CAB39L: variants seen among roughly 807,000 people sequenced by gnomAD.
CAB39L encodes calcium binding protein 39 like, also known as calcium-binding protein 39-like.
In CAB39L, 23 loss-of-function variants were observed where a neutral mutation model predicts 39.1. That is an observed-to-expected ratio of 0.59 (90% CI 0.42 to 0.83). The LOEUF is 0.83. Ranked by LOEUF, CAB39L falls within the 40% of genes least tolerant of loss-of-function variation. CAB39L has a pLI of 0.00. For synonymous variants in CAB39L, 126 were observed against 137.2 expected (o/e 0.92, Z 0.57); for missense variants, 366 against 391.9 (o/e 0.93, Z 0.56).
rs1953953055 is a variant in CAB39L, at chr13:49,310,492, T to C, written c.*322A>G. The C allele has an allele frequency of 4.6e-6, 1 of 216,852 alleles. No individual in the cohort carries two copies. Among genetic ancestry groups the C allele is most frequent in the Non-Finnish European group, 9.2e-6 (1 of 108,298 alleles). 13.4% of individuals were successfully genotyped at this position (216,852 alleles called of 1,614,324 possible). ...GAGAACTCAGTCCTCCTTGAAGACT[T>C]GGTGATGCCTGTCAATTGAGCTCCC... On this transcript the variant is annotated 3_prime_UTR_variant, in exon 11 of 11. Coordinates refer to ENST00000409308, the MANE Select transcript of CAB39L (RefSeq NM_001079670.3).
intron 6 of CAB39L, among the ~76,000 whole-genome samples, chr13:49,355,838 G>T (rs867180262): frequency 6.6e-6 from 1 of 151,780 alleles, no homozygotes; most frequent in Non-Finnish European, 1.5e-5. Context: ...ATTAGACACC[G>T]ATGAAAGTTC....
chr13:49,339,053 C>T (rs1398284848), intron 9 of CAB39L, among the ~76,000 whole-genome samples: 1 of 150,286 alleles, frequency 6.7e-6, no homozygotes, highest in Non-Finnish European at 1.5e-5. Context: ...CTCAAAAATA[C>T]AGATATTAAG....
intron 1 of CAB39L, among the ~76,000 whole-genome samples, chr13:49,438,136 T>G (rs1957446000): frequency 6.6e-6 from 1 of 152,136 alleles, no homozygotes; most frequent in Non-Finnish European, 1.5e-5. Flanking sequence ...CGTGTCCAGC[T>G]GGTATTATTT....
At chr13:49,356,655 TA>T (rs1437410379) in intron 6 of CAB39L, among the ~76,000 whole-genome samples, 1 of 152,360 alleles carries the variant, frequency 6.6e-6, no homozygotes, top group Admixed American at 6.5e-5. Context: ...GTTTGATGTG[TA>T]AATGTACCAA....
chr13:49,351,145 C>G, intron 6 of CAB39L: 1 of 338,428 alleles, frequency 3.0e-6, no homozygotes, highest in East Asian at 4.5e-5. Flanking sequence ...AACATGGTGA[C>G]AGCTGGGGGT....
chr13:49,421,963 T>C (rs556346840), intron 3 of CAB39L, among the ~76,000 whole-genome samples: 40 of 152,182 alleles, frequency 2.6e-4, no homozygotes, highest in African/African-American at 8.9e-4. Flanking sequence ...AAAAATCACT[T>C]ATTTAATCAC....
chr13:49,414,189 G>C (rs551315875), intron 3 of CAB39L: 1 of 152,318 alleles, frequency 6.6e-6, no homozygotes, highest in South Asian at 2.1e-4. Context: ...AACTGCAGAT[G>C]AAAGATTTGC....
At chr13:49,320,542 C>T (rs1050139382) in intron 10 of CAB39L, among the ~76,000 whole-genome samples, 1 of 152,208 alleles carries the variant, frequency 6.6e-6, no homozygotes, top group Non-Finnish European at 1.5e-5. Context: ...ATCTTACACA[C>T]ATATCCATTA....
intron 5 of CAB39L, among the ~76,000 whole-genome samples, chr13:49,369,838 G>A (rs61950799): frequency 0.017 from 2,635 of 152,112 alleles, 38 homozygotes; most frequent in Middle Eastern, 0.041. Flanking sequence ...TGCCCACTTC[G>A]GCCTCCCAAA....
intron 3 of CAB39L, among the ~76,000 whole-genome samples, chr13:49,426,767 CT>C (rs1482077521): frequency 6.6e-6 from 1 of 152,154 alleles, no homozygotes; most frequent in African/African-American, 2.4e-5. Flanking sequence ...AGCTGGGATT[CT>C]AAACCACTCT....
At chr13:49,316,461 C>A (rs1274991724) in intron 10 of CAB39L, among the ~76,000 whole-genome samples, 1 of 152,162 alleles carries the variant, frequency 6.6e-6, no homozygotes, top group African/African-American at 2.4e-5. Context: ...GGGAACACTT[C>A]CTAACTTATG....
At chr13:49,323,196 C>T (rs945446371) in intron 10 of CAB39L, among the ~76,000 whole-genome samples, 1 of 152,164 alleles carries the variant, frequency 6.6e-6, no homozygotes, top group Non-Finnish European at 1.5e-5. Context: ...TGGCCAACCT[C>T]AAGATTCCCA....
intron 3 of CAB39L, among the ~76,000 whole-genome samples, chr13:49,404,507 C>T (rs1956833984): frequency 6.7e-6 from 1 of 150,154 alleles, no homozygotes; most frequent in South Asian, 2.1e-4. Flanking sequence ...AAATACCTAA[C>T]TCTTCAATGC....
chr13:49,402,063 CAT>C (rs1262962598), intron 3 of CAB39L, among the ~76,000 whole-genome samples: 6 of 151,964 alleles, frequency 3.9e-5, no homozygotes, highest in African/African-American at 1.2e-4. Context: ...TTATAAAGAA[CAT>C]AGAAAAATAT....
chr13:49,417,829 C>T (rs577308151), intron 3 of CAB39L, among the ~76,000 whole-genome samples: 68 of 152,174 alleles, frequency 4.5e-4, no homozygotes, highest in African/African-American at 1.5e-3. Context: ...TAAAAAAAAC[C>T]CTGCAAGTCA....
At chr13:49,442,806 A>AAAAC (rs1957559109) in intron 1 of CAB39L, among the ~76,000 whole-genome samples, 1 of 147,178 alleles carries the variant, frequency 6.8e-6, no homozygotes, top group African/African-American at 2.6e-5. Flanking sequence ...AAAAAAAAAA[A>AAAAC]AAAAAAAAAA....
chr13:49,432,286 G>A (rs1015418876), intron 3 of CAB39L, among the ~76,000 whole-genome samples: 1 of 151,852 alleles, frequency 6.6e-6, no homozygotes, highest in Non-Finnish European at 1.5e-5. Context: ...CCTGAGGTAC[G>A]CACCACCATA....
intron 10 of CAB39L, among the ~76,000 whole-genome samples, chr13:49,329,412 A>C (rs1222944211): frequency 6.6e-6 from 1 of 151,524 alleles, no homozygotes; most frequent in Non-Finnish European, 1.5e-5. Context: ...TGGACAATAA[A>C]TATCTGGGCT....
chr13:49,352,980 T>C (rs1051786836), intron 6 of CAB39L, among the ~76,000 whole-genome samples: 5 of 152,306 alleles, frequency 3.3e-5, no homozygotes, highest in African/African-American at 9.6e-5. Context: ...ATTGAGGAAA[T>C]AGACTACTTT....
Sources: gnomAD v4.1 joint callset for allele counts (sites outside exome capture counted in the v4.1 genomes callset) on GRCh38, gnomAD v4.1.1 for gene constraint, MANE v1.5 for transcripts, NCBI Gene and HGNC (gene_info 2026-07-23, HGNC 2026-07-21) for gene names.